The following FOXP1 variants were observed in gnomAD, a reference collection of about 807,000 sequenced individuals.
FOXP1 encodes the protein forkhead box P1, also known as forkhead box protein P1.
In FOXP1, 15 loss-of-function variants were observed where a neutral mutation model predicts 98.2. The observed-to-expected ratio is 0.15, with a 90% CI of 0.10 to 0.24. The LOEUF is 0.24. Among genes scored for constraint, FOXP1 ranks in the 10% least tolerant of loss-of-function variants. The pLI, the probability that FOXP1 is intolerant of heterozygous loss-of-function variation, is 1.00. For synonymous variants in FOXP1, 371 were observed against 314.5 expected (o/e 1.18, Z -1.90); for missense variants, 633 against 848.5 (o/e 0.75, Z 3.15).
chr3:71,016,805 G>C (rs530275684), intron 11 of FOXP1, among the ~76,000 whole-genome samples: 1 of 152,032 alleles, frequency 6.6e-6, no homozygotes, highest in African/African-American at 2.4e-5. Context: ...ATTTGTCCCT[G>C]ACTTATAACA....
chr3:71,119,155 A>T (rs957511043), intron 6 of FOXP1, among the ~76,000 whole-genome samples: 11 of 152,212 alleles, frequency 7.2e-5, no homozygotes, highest in African/African-American at 2.4e-4. Context: ...CTGAAAAGGA[A>T]ATACATCCAT....
At chr3:71,064,345 A>T (rs2052037274) in intron 7 of FOXP1, among the ~76,000 whole-genome samples, 1 of 152,220 alleles carries the variant, frequency 6.6e-6, no homozygotes, top group South Asian at 2.1e-4. Flanking sequence ...ACACGCTCTG[A>T]AAGTGACAGA....
At chr3:71,536,343 C>T (rs960987862) in intron 2 of FOXP1, among the ~76,000 whole-genome samples, 2 of 152,134 alleles carry the variant, frequency 1.3e-5, no homozygotes, top group Non-Finnish European at 2.9e-5. Flanking sequence ...GCTTACCCTA[C>T]GCATCCCCTA....
chr3:71,239,414 C>T (rs12637164), intron 5 of FOXP1, among the ~76,000 whole-genome samples: 20,591 of 151,932 alleles, frequency 0.14, 1,490 homozygotes, highest in Non-Finnish European at 0.17. Flanking sequence ...TGTGGTGGCA[C>T]GTGCCCGTAA....
At chr3:71,115,297 A>T (rs1270797743) in intron 6 of FOXP1, among the ~76,000 whole-genome samples, 1 of 147,154 alleles carries the variant, frequency 6.8e-6, no homozygotes, top group Non-Finnish European at 1.5e-5. Context: ...ATGGGCACTC[A>T]ATTATTATTA....
At chr3:71,572,038 AC>A (rs1300480568) in intron 2 of FOXP1, 1 of 152,246 alleles carries the variant, frequency 6.6e-6, no homozygotes, top group Non-Finnish European at 1.5e-5. Flanking sequence ...ACACTGAAGA[AC>A]AAGGTGCTAT....
intron 5 of FOXP1, among the ~76,000 whole-genome samples, chr3:71,229,889 C>T (rs76768591): frequency 0.021 from 3,242 of 152,200 alleles, 134 homozygotes; most frequent in African/African-American, 0.073. Flanking sequence ...GAAAGCTCCA[C>T]GGCCACTCGA....
chr3:71,418,934 T>G, intron 3 of FOXP1, among the ~76,000 whole-genome samples: 1 of 67,562 alleles, frequency 1.5e-5, no homozygotes, highest in Admixed American at 1.4e-4. Context: ...AAGACCGGTC[T>G]CAAAAAAAAA....
chr3:71,496,914 C>T lies in FOXP1; in HGVS notation c.-297-3359G>A, dbSNP rs538663821. On this transcript the variant is annotated intron_variant, in intron 2 of 20. Coordinates refer to ENST00000649528, the MANE Select transcript of FOXP1 (RefSeq NM_001349338.3). Reference sequence around the variant, plus strand: ...TTGACTTCTAATATTTTAAAGTAACCAGGCATATCTAAAAATAAAGGGTGA... The same window carrying T: ...TTGACTTCTAATATTTTAAAGTAACTAGGCATATCTAAAAATAAAGGGTGA... Among the ~76,000 whole-genome samples the T allele has an allele frequency of 6.6e-5, 10 of 151,742 alleles. No homozygotes were observed. In the South Asian group the frequency reaches 2.1e-3, roughly 32 times the overall value.
intron 5 of FOXP1, among the ~76,000 whole-genome samples, chr3:71,265,336 T>A (rs1159083907): frequency 6.6e-6 from 1 of 152,104 alleles, no homozygotes; most frequent in Non-Finnish European, 1.5e-5. Context: ...AGAGAAGGGA[T>A]CATTTTGCCC....
At chr3:71,384,081 T>A (rs1268740563) in intron 3 of FOXP1, among the ~76,000 whole-genome samples, 1 of 152,090 alleles carries the variant, frequency 6.6e-6, no homozygotes, top group Non-Finnish European at 1.5e-5. Context: ...TAGCCAGGCA[T>A]GGTGGTGTAA....
In FOXP1 at chr3:71,244,032, T is replaced by C. The variant is rs547283685; in HGVS notation, c.-11-45640A>G. On this transcript the variant is annotated intron_variant, in intron 5 of 20. Transcript: ENST00000649528. ...CCAAACACACCTTCACATTAAAATTTAAAAGAAAAGAAAAAAGTCCTAAAT... is the reference window on the plus strand; with the variant it reads ...CCAAACACACCTTCACATTAAAATTCAAAAGAAAAGAAAAAAGTCCTAAAT... Among the ~76,000 whole-genome samples the C allele has an allele frequency of 5.9e-5, 9 of 152,198 alleles. No individual in the cohort carries two copies. In the South Asian group the frequency reaches 1.9e-3, roughly 32 times the overall value.
chr3:71,450,971 A>C (rs900450940), intron 3 of FOXP1, among the ~76,000 whole-genome samples: 5 of 152,176 alleles, frequency 3.3e-5, no homozygotes, highest in Non-Finnish European at 4.4e-5. Flanking sequence ...TTAGCCTTCC[A>C]CTGACATTCC....
chr3:71,235,020 A>C (rs2066655524), intron 5 of FOXP1, among the ~76,000 whole-genome samples: 1 of 152,196 alleles, frequency 6.6e-6, no homozygotes, highest in Non-Finnish European at 1.5e-5. Flanking sequence ...TGAAGGACCA[A>C]AAAGTAAAGT....
intron 2 of FOXP1, among the ~76,000 whole-genome samples, chr3:71,568,616 G>A (rs1348433789): frequency 6.6e-6 from 1 of 151,398 alleles, no homozygotes; most frequent in African/African-American, 2.4e-5. Flanking sequence ...TTATACAGCT[G>A]GTCTTCTGCT....
chr3:71,439,273 G>A (rs1302261439), intron 3 of FOXP1, among the ~76,000 whole-genome samples: 1 of 152,170 alleles, frequency 6.6e-6, no homozygotes, highest in Non-Finnish European at 1.5e-5. Context: ...GCCTTTTCCT[G>A]GTTCCTGAAA....
At chr3:71,178,123 C>G (rs1014000364) in intron 6 of FOXP1, among the ~76,000 whole-genome samples, 1 of 150,706 alleles carries the variant, frequency 6.6e-6, no homozygotes, top group African/African-American at 2.4e-5. Flanking sequence ...GTGTGAGCCA[C>G]CACACCCAGT....
intron 3 of FOXP1, among the ~76,000 whole-genome samples, chr3:71,371,372 C>T (rs1320613188): frequency 6.6e-6 from 1 of 152,170 alleles, no homozygotes; most frequent in Non-Finnish European, 1.5e-5. Flanking sequence ...TCAGCCTCTC[C>T]CCCAAAGAAG....
In FOXP1 at chr3:70,975,581, A is replaced by G. The variant is rs545584324; in HGVS notation, c.1530+1360T>C. ...TAAGGAATTAGCAAGGAAGGCATTT[A>G]TTTCAGGCGAAGGAAGTTTTCCTTG... is the stretch of plus-strand genomic sequence containing the variant. On this transcript the variant is annotated intron_variant, in intron 17 of 20. Transcript: ENST00000649528. 1.1e-3 allele frequency among the ~76,000 whole-genome samples: 164 copies of G among 152,358 alleles called. 1 individual carries two copies. Among genetic ancestry groups the G allele is most frequent in the Non-Finnish European group, 1.3e-3 (89 of 68,030 alleles).
Sources: allele counts gnomAD v4.1 joint callset (sites outside exome capture counted in the v4.1 genomes callset), GRCh38; gene constraint gnomAD v4.1.1; transcripts MANE v1.5; gene names NCBI Gene and HGNC (gene_info 2026-07-23, HGNC 2026-07-21).